GFRA1: variants seen among roughly 807,000 people sequenced by gnomAD.
GFRA1 encodes the protein GDNF family receptor alpha-1.
A neutral mutation model predicts 51.6 loss-of-function variants in GFRA1; 16 were observed. The ratio of observed to expected loss-of-function variants is 0.31; its 90% CI spans 0.21 to 0.47. The LOEUF is 0.47. Ranked by LOEUF, GFRA1 falls within the 20% of genes least tolerant of loss-of-function variation. GFRA1 has a pLI of 1.00. For missense variants in GFRA1, 530 were observed against 594.3 expected (o/e 0.89, Z 1.13); for synonymous variants, 270 against 241.3 (o/e 1.12, Z -1.10).
chr10:116,108,409 C>T (rs1957081458), intron 6 of GFRA1, among the ~76,000 whole-genome samples: 1 of 152,148 alleles, frequency 6.6e-6, no homozygotes, highest in African/African-American at 2.4e-5. Flanking sequence ...GCAATTTCCC[C>T]TTTTGGGGAA....
intron 5 of GFRA1, among the ~76,000 whole-genome samples, chr10:116,181,686 G>A (rs930725725): frequency 1.3e-5 from 2 of 151,660 alleles, no homozygotes; most frequent in South Asian, 4.2e-4. Flanking sequence ...CACCCAGGCT[G>A]GAGTACGGTG....
chr10:116,228,609 A>C (rs1018160756), intron 4 of GFRA1, among the ~76,000 whole-genome samples: 6 of 152,092 alleles, frequency 3.9e-5, no homozygotes, highest in African/African-American at 1.4e-4. Flanking sequence ...CTTCCCCCAG[A>C]GAGTTACAAT....
chr10:116,203,327 T>A (rs1964486655), intron 5 of GFRA1, among the ~76,000 whole-genome samples: 1 of 152,154 alleles, frequency 6.6e-6, no homozygotes, highest in Admixed American at 6.5e-5. Flanking sequence ...CGAGTGGGGC[T>A]CTCAGACATC....
intron 6 of GFRA1, among the ~76,000 whole-genome samples, chr10:116,119,632 C>A (rs1355664925): frequency 6.6e-6 from 1 of 152,212 alleles, no homozygotes; most frequent in Non-Finnish European, 1.5e-5. Flanking sequence ...CATGTCAAGG[C>A]AAGCCCGGAT....
intron 9 of GFRA1, among the ~76,000 whole-genome samples, chr10:116,070,499 T>C (rs1277874910): frequency 1.3e-5 from 2 of 152,166 alleles, no homozygotes. Context: ...AGACAAGCCA[T>C]GGGAAGAAGA....
At chr10:116,068,904 A>T (rs975404786) in intron 9 of GFRA1, among the ~76,000 whole-genome samples, 1 of 152,224 alleles carries the variant, frequency 6.6e-6, no homozygotes, top group Non-Finnish European at 1.5e-5. Flanking sequence ...GGGACGTCCC[A>T]GGAAAATTAG....
intron 5 of GFRA1, among the ~76,000 whole-genome samples, chr10:116,146,881 A>G (rs911620574): frequency 6.6e-6 from 1 of 152,140 alleles, no homozygotes; most frequent in African/African-American, 2.4e-5. Context: ...AAAAACATAT[A>G]TTCATGTAAA....
At chr10:116,204,883 G>A (rs1214569313) in intron 5 of GFRA1, among the ~76,000 whole-genome samples, 6 of 152,114 alleles carry the variant, frequency 3.9e-5, no homozygotes, top group Admixed American at 3.9e-4. Flanking sequence ...TTAAAGGCAG[G>A]CTATGCATAG....
chr10:116,064,088 C>CATGATCATG lies in GFRA1; in HGVS notation c.*309_*310insCATGATCAT. ...TCATCATGATCATGATGATCATCAT[C>CATGATCATG]ATGATCATCATCATCATCGAAAACA... On this transcript the variant is annotated 3_prime_UTR_variant, in exon 11 of 11. Transcript: ENST00000355422. 1 of 173,236 alleles carries CATGATCATG rather than the reference C, an allele frequency of 5.8e-6. No individual in the cohort carries two copies. Among genetic ancestry groups the CATGATCATG allele is most frequent in the African/African-American group, 6.6e-5 (1 of 15,074 alleles). 10.7% of individuals were successfully genotyped at this position (173,236 alleles called of 1,614,324 possible). A position where few individuals can be genotyped will look rare whatever the true frequency, so the allele number is the denominator to read the frequency against.
At chr10:116,143,698 C>T (rs1038062294) in intron 5 of GFRA1, among the ~76,000 whole-genome samples, 2 of 151,540 alleles carry the variant, frequency 1.3e-5, no homozygotes, top group African/African-American at 2.4e-5. Context: ...ATGAACATGG[C>T]GAATTTAACT....
intron 4 of GFRA1, among the ~76,000 whole-genome samples, chr10:116,222,471 T>C (rs1334718520): frequency 6.6e-6 from 1 of 152,130 alleles, no homozygotes; most frequent in Non-Finnish European, 1.5e-5. Context: ...AGTGCTGGGA[T>C]TACAGGCGTG....
At chr10:116,242,808 C>T (rs1038881412) in intron 4 of GFRA1, among the ~76,000 whole-genome samples, 1 of 152,164 alleles carries the variant, frequency 6.6e-6, no homozygotes, top group Non-Finnish European at 1.5e-5. Context: ...TAACAGAGTC[C>T]TTACCCAAAT....
At chr10:116,223,576 A>G (rs1382069237) in intron 4 of GFRA1, among the ~76,000 whole-genome samples, 2 of 152,178 alleles carry the variant, frequency 1.3e-5, no homozygotes. Context: ...ATTGAAGCCA[A>G]GCATTTCAGA....
intron 5 of GFRA1, among the ~76,000 whole-genome samples, chr10:116,197,505 T>C (rs909934645): frequency 1.3e-5 from 2 of 152,196 alleles, no homozygotes; most frequent in African/African-American, 4.8e-5. Flanking sequence ...GTGTCTGTCA[T>C]TTATACATGT....
At chr10:116,249,690 T>C (rs1968158442) in intron 4 of GFRA1, among the ~76,000 whole-genome samples, 1 of 152,182 alleles carries the variant, frequency 6.6e-6, no homozygotes, top group South Asian at 2.1e-4. Context: ...CCTACCTAGC[T>C]CTCACTTACT....
Position 116,096,637 on chromosome 10 carries a change from G to C in GFRA1, c.880+18C>G. The C allele has an allele frequency of 7.3e-7, 1 of 1,363,602 alleles. No homozygotes were observed. Among genetic ancestry groups the C allele is most frequent in the South Asian group, 1.2e-5 (1 of 85,292 alleles). 84.5% of individuals were successfully genotyped at this position (1,363,602 alleles called of 1,614,324 possible). ...GCAAACCACACTCTTCTCCCATCCT[G>C]CTTCTCTCGGATCTTACCAATAAGC... On this transcript the variant is annotated intron_variant, in intron 7 of 10. Transcript: ENST00000355422.
At chr10:116,065,454 G>T in intron 10 of GFRA1, 119 bp downstream of exon 10, 2 of 813,594 alleles carry the variant, frequency 2.5e-6, no homozygotes, top group East Asian at 2.7e-5. Context: ...GGGTGGCTTA[G>T]ATTTCTTGTG....
At chr10:116,269,160 CAAG>C (rs1969895593) in intron 4 of GFRA1, among the ~76,000 whole-genome samples, 1 of 151,896 alleles carries the variant, frequency 6.6e-6, no homozygotes, top group African/African-American at 2.4e-5. Context: ...AGGTATGCAG[CAAG>C]AAGAGAATAC....
intron 4 of GFRA1, among the ~76,000 whole-genome samples, chr10:116,229,237 CCAAA>C (rs2134551601): frequency 6.6e-6 from 1 of 152,150 alleles, no homozygotes; most frequent in Non-Finnish European, 1.5e-5. Flanking sequence ...TTATACACAA[CCAAA>C]CAGTGGGGTG....
Sources: gnomAD v4.1 joint callset for allele counts (sites outside exome capture counted in the v4.1 genomes callset) on GRCh38, gnomAD v4.1.1 for gene constraint, MANE v1.5 for transcripts, NCBI Gene and HGNC (gene_info 2026-07-23, HGNC 2026-07-21) for gene names.